Variants in WDR64 observed in about 807,000 individuals in gnomAD.
The protein encoded by WDR64 is WD repeat-containing protein 64.
WDR64 carries 112 observed loss-of-function variants against 139.3 expected under a neutral mutation model. The observed-to-expected ratio is 0.80, with a 90% CI of 0.69 to 0.94. WDR64 has a LOEUF of 0.94. WDR64 is among the 40% of genes least tolerant of loss of function. The pLI, the probability that WDR64 is intolerant of heterozygous loss-of-function variation, is 0.00. For missense variants in WDR64, 1,206 were observed against 1,293.1 expected (o/e 0.93, Z 1.03); for synonymous variants, 444 against 437.7 (o/e 1.01, Z -0.18).
chr1:241,748,208 G>A (rs962265376), intron 13 of WDR64, among the ~76,000 whole-genome samples: 1 of 152,206 alleles, frequency 6.6e-6, no homozygotes. Context: ...AGAAAAAGCT[G>A]AGCAAATTCT....
rs994637278 is a variant in WDR64, at chr1:241,703,292, C to A, written c.975-8510C>A. Among the ~76,000 whole-genome samples, 1 of 152,084 alleles carries A rather than the reference C, an allele frequency of 6.6e-6. No homozygotes were observed. The highest frequency in any genetic ancestry group is 1.5e-5 in the Non-Finnish European group (1 of 68,028). ...CTTCCATTCAGTGAACAACCCCTAT[C>A]GTGTAACACATGCCCCCTGAAAAAA... On this transcript the variant is annotated intron_variant, in intron 8 of 27. Coordinates refer to ENST00000437684, the MANE Select transcript of WDR64 (RefSeq NM_001367482.1). This position sits in a 1 kb window ranked among gnomAD's most constrained non-coding sequence, Gnocchi z 5.9.
intron 10 of WDR64, among the ~76,000 whole-genome samples, chr1:241,732,577 T>C (rs1415472996): frequency 1.3e-5 from 2 of 152,152 alleles, no homozygotes; most frequent in African/African-American, 4.8e-5. Flanking sequence ...CCCAACACTT[T>C]GGGAGGCTGA....
chr1:241,749,394 C>G (rs1167490006), intron 13 of WDR64, among the ~76,000 whole-genome samples, 153 bp from the exon 14 acceptor site: 1 of 152,126 alleles, frequency 6.6e-6, no homozygotes, highest in Admixed American at 6.5e-5. Context: ...TCATGCACAG[C>G]AAGCCTGGGA....
chr1:241,775,239 A>G (rs1372757134), intron 21 of WDR64, 29 bp downstream of exon 21: 1 of 1,524,196 alleles, frequency 6.6e-7, no homozygotes, highest in Admixed American at 2.0e-5. Flanking sequence ...ACATTCAGTG[A>G]CAGGTGTCTT....
intron 8 of WDR64, among the ~76,000 whole-genome samples, chr1:241,705,562 T>TAAATAAA (rs370613376): frequency 3.6e-5 from 4 of 112,558 alleles, no homozygotes; most frequent in African/African-American, 1.4e-4. Flanking sequence ...AATAAATAAA[T>TAAATAAA]AATAATAATA....
At chr1:241,743,565 C>T (rs1669634420) in intron 12 of WDR64, among the ~76,000 whole-genome samples, 1 of 152,154 alleles carries the variant, frequency 6.6e-6, no homozygotes. Flanking sequence ...ACTTTCTCAC[C>T]CCTGGCACTT....
At chr1:241,684,593 G>A (rs1174673165) in intron 7 of WDR64, among the ~76,000 whole-genome samples, 1 of 152,228 alleles carries the variant, frequency 6.6e-6, no homozygotes, top group African/African-American at 2.4e-5. Flanking sequence ...GACGCTGTGA[G>A]CTGGGCATTC....
rs2148049529 is a variant in WDR64 at position 241,656,180 on chromosome 1, T to G, written c.145+3551T>G. Reference sequence around the variant, plus strand: ...GTGAGGAGAAGGCAGAAATGTCATCTTCACTTTTGTCAGGCTGTTAATAAT... The same window carrying G: ...GTGAGGAGAAGGCAGAAATGTCATCGTCACTTTTGTCAGGCTGTTAATAAT... On this transcript the variant is annotated intron_variant, in intron 1 of 27. Transcript: ENST00000437684. The surrounding 1 kb of genome is among the most constrained non-coding windows in gnomAD (Gnocchi z 4.3). Among the ~76,000 whole-genome samples, 2 of 152,350 alleles carry G rather than the reference T, an allele frequency of 1.3e-5. No homozygotes were observed. Among genetic ancestry groups the G allele is most frequent in the South Asian group, 4.1e-4 (2 of 4,826 alleles).
intron 14 of WDR64, among the ~76,000 whole-genome samples, chr1:241,750,007 G>A (rs1358736872): frequency 6.6e-6 from 1 of 152,174 alleles, no homozygotes; most frequent in Non-Finnish European, 1.5e-5. Context: ...ATACTCAGCT[G>A]CCACCTCTGA....
intron 23 of WDR64, among the ~76,000 whole-genome samples, chr1:241,786,418 T>C (rs1659038349): frequency 6.6e-6 from 1 of 152,228 alleles, no homozygotes; most frequent in South Asian, 2.1e-4. Flanking sequence ...CTATTTTATG[T>C]TCCCATATGG....
intron 10 of WDR64, among the ~76,000 whole-genome samples, chr1:241,735,177 C>A (rs766790524): frequency 6.6e-6 from 1 of 152,080 alleles, no homozygotes; most frequent in Non-Finnish European, 1.5e-5. Flanking sequence ...TACCCCACTG[C>A]AGTTTTTCCC....
chr1:241,686,803 T>C (rs2148116189), intron 7 of WDR64, among the ~76,000 whole-genome samples: 1 of 152,328 alleles, frequency 6.6e-6, no homozygotes, highest in African/African-American at 2.4e-5. Flanking sequence ...TATTTTCAGA[T>C]GGATTGATTC....
chr1:241,763,880 G>C (rs942064637), intron 15 of WDR64, among the ~76,000 whole-genome samples: 1 of 152,198 alleles, frequency 6.6e-6, no homozygotes, highest in Non-Finnish European at 1.5e-5. Flanking sequence ...CACTGTAGAA[G>C]TACAGCAGAG....
intron 10 of WDR64, among the ~76,000 whole-genome samples, chr1:241,737,819 A>G (rs1669384860): frequency 6.6e-6 from 1 of 152,062 alleles, no homozygotes; most frequent in Non-Finnish European, 1.5e-5. Flanking sequence ...AGTTTGAAAA[A>G]CCTATATTCT....
At position 241,770,669 on chromosome 1, in the gene WDR64, C is replaced by T; in HGVS notation, c.2232C>T (p.Ser744=). The T allele has an allele frequency of 6.4e-7, 1 of 1,551,446 alleles. No homozygotes were observed. The highest frequency in any genetic ancestry group is 8.7e-7 in the Non-Finnish European group (1 of 1,146,852). The change falls in exon 18 of 28, where the codon AGC becomes AGT. Residue 744 remains serine, a synonymous_variant. Transcript: ENST00000437684. The part of the protein sequence containing the change: ...SICSSSQCES[S]KGPQSSKGSK... ...GTTCTTCATCCCAGTGTGAATCCAG[C>T]AAAGGTCCACAGAGCAGTAAGGTAA...
intron 10 of WDR64, among the ~76,000 whole-genome samples, chr1:241,731,826 A>G (rs1669092182): frequency 6.6e-6 from 1 of 152,244 alleles, no homozygotes; most frequent in Non-Finnish European, 1.5e-5. Flanking sequence ...TTCTACATAC[A>G]GTGCTAAAAA....
At chr1:241,768,992 C>A (rs183689109) in intron 16 of WDR64, among the ~76,000 whole-genome samples, 1 of 152,246 alleles carries the variant, frequency 6.6e-6, no homozygotes, top group Non-Finnish European at 1.5e-5. Flanking sequence ...ACCAGCCCGG[C>A]GTGGTGGCTC....
At chr1:241,760,718 A>G (rs1670396118) in intron 15 of WDR64, among the ~76,000 whole-genome samples, 1 of 146,662 alleles carries the variant, frequency 6.8e-6, no homozygotes, top group Non-Finnish European at 1.5e-5. Flanking sequence ...TTTACAAAAT[A>G]TATATATACT....
At position 241,679,607 on chromosome 1, in the gene WDR64, A is replaced by G. The variant is rs779300054; in HGVS notation, c.624+12A>G. On this transcript the variant is annotated intron_variant, in intron 6 of 27. Transcript: ENST00000437684. ...AAGGGAGCAGCCAGGTATTGTGCCAAGAGAAATACTCAAAGAAATGAGATT... is the reference window on the plus strand; with the variant it reads ...AAGGGAGCAGCCAGGTATTGTGCCAGGAGAAATACTCAAAGAAATGAGATT... 3.2e-6 allele frequency: 5 copies of G among 1,547,532 alleles called. No individual in the cohort carries two copies. The South Asian group carries it at 4.8e-5, about 15-fold the overall frequency.
Sources: gnomAD v4.1 joint callset for allele counts (sites outside exome capture counted in the v4.1 genomes callset) on GRCh38, gnomAD v4.1.1 for gene constraint, Gnocchi (gnomAD v3.1) non-coding constraint, MANE v1.5 for transcripts, NCBI Gene and HGNC (gene_info 2026-07-23, HGNC 2026-07-21) for gene names.